ACAA1: variants seen among roughly 807,000 people sequenced by gnomAD.
ACAA1 encodes acetyl-CoA acyltransferase 1, also known as 3-ketoacyl-CoA thiolase, peroxisomal.
In ACAA1, 44 loss-of-function variants were observed where a neutral mutation model predicts 48.8. The observed-to-expected ratio is 0.90, with a 90% confidence interval of 0.71 to 1.16. The LOEUF is 1.16. ACAA1 is among the 50% of genes most tolerant of loss of function. The probability of loss-of-function intolerance (pLI) is 0.00; values close to 1 mark genes in which losing one functional copy is unlikely to be tolerated. For missense variants in ACAA1, 512 were observed against 562.3 expected, an observed-to-expected ratio of 0.91 and a Z score of 0.90; for synonymous variants, 233 against 226.5, an observed-to-expected ratio of 1.03 and a Z score of -0.26.
chr3:38,125,949 A>G lies in ACAA1; in HGVS notation c.998-68T>C. 5.6e-6 allele frequency: 9 copies of G among 1,598,398 alleles called. No individual in the cohort carries two copies. The South Asian group carries it at 8.8e-5, about 16-fold the overall frequency. ...GCCTCCCCTGGGGCCCACCCCATCC[A>G]TGGGCCTACAGGCTGCCTGGTGTGT... On this transcript the variant is annotated intron_variant, in intron 9 of 11. Transcript: ENST00000333167.
chr3:38,136,548 A>C (rs749451057), intron 2 of ACAA1, 44 bp downstream of exon 2: 13 of 1,608,070 alleles, frequency 8.1e-6, no homozygotes, highest in Non-Finnish European at 1.1e-5. Context: ...GGACGAACGG[A>C]AGAACGGGGA....
intron 11 of ACAA1, chr3:38,125,269 T>G: frequency 3.7e-6 from 1 of 271,564 alleles, no homozygotes. Context: ...ATTTTTGGGA[T>G]TTTAGACAGT....
Position 38,122,953 on chromosome 3 carries a change from G to T in ACAA1, c.*94C>A. The T allele has an allele frequency of 1.5e-6, 2 of 1,298,312 alleles. No individual in the cohort carries two copies. The highest frequency in any genetic ancestry group is 2.2e-6 in the Non-Finnish European group (2 of 904,002). 80.4% of individuals were successfully genotyped at this position (1,298,312 alleles called of 1,614,324 possible). A position where few individuals can be genotyped will look rare whatever the true frequency, so the allele number is the denominator to read the frequency against. On this transcript the variant is annotated 3_prime_UTR_variant, in exon 12 of 12. Coordinates refer to ENST00000333167, the MANE Select transcript of ACAA1 (RefSeq NM_001607.4). ...GTCCACTGCCACCACCACCAGTGCT[G>T]AGTTTTCCCATGTGGTTTTGCTTTT...
At chr3:38,134,377 AG>A (rs886582803) in intron 2 of ACAA1, 4 of 424,640 alleles carry the variant, frequency 9.4e-6, no homozygotes, top group African/African-American at 6.0e-5. Flanking sequence ...GAGGTGGAAC[AG>A]TGATTGCCGA....
At position 38,126,464 on chromosome 3, in the gene ACAA1, T is replaced by G; in HGVS notation, c.817+46A>C. On this transcript the variant is annotated intron_variant, in intron 8 of 11. Coordinates refer to ENST00000333167, the MANE Select transcript of ACAA1 (RefSeq NM_001607.4). The surrounding 1 kb of genome is among the most constrained non-coding windows in gnomAD (Gnocchi z 4.7). ...GGTTCCCAGAGTACAGCACCCAGCA[T>G]GGCCATGGCCTGCTTTCTCATACCC... 1 of 1,613,846 alleles carries G rather than the reference T, an allele frequency of 6.2e-7. No individual in the cohort carries two copies. Among genetic ancestry groups the G allele is most frequent in the African/African-American group, 1.3e-5 (1 of 75,032 alleles).
rs202069337 is a variant in ACAA1, at chr3:38,125,676, G to A, written c.1088C>T (p.Pro363Leu). The change falls in exon 11 of 12, where the codon CCT becomes CTT. Residue 363 changes from proline (P) to leucine (L), a missense_variant. Physicochemically the swap from Pro to Leu is moderately conservative, Grantham distance 98. Coordinates refer to ENST00000333167, the MANE Select transcript of ACAA1 (RefSeq NM_001607.4). ...AYCVEKLRLPPEKVNPLGGAV... is the reference protein window; with the variant it reads ...AYCVEKLRLPLEKVNPLGGAV... ...ACCCCCCAGGGGGTTCACCTTCTCA[G>A]GGGGGAGTCGTAGCTTCTCCACACA... 2.5e-6 allele frequency: 4 copies of A among 1,599,446 alleles called. No individual in the cohort carries two copies. Among genetic ancestry groups the A allele is most frequent in the Non-Finnish European group, 3.4e-6 (4 of 1,171,490 alleles).
chr3:38,125,501 TG>T, intron 11 of ACAA1, 63 bp downstream of exon 11: 1 of 1,504,880 alleles, frequency 6.6e-7, no homozygotes, highest in African/African-American at 1.4e-5. Flanking sequence ...CTCTATCCCC[TG>T]CCCTTCAGGT....
In ACAA1 at chr3:38,126,917, G is replaced by C. The variant is rs151269509; in HGVS notation, c.627-217C>G. Reference sequence around the variant, plus strand: ...ATCGTGGCCAATCCCAACCTCAAAGGGGGGAAAGGGTGTTTGGAAGTGGTG... The same window carrying C: ...ATCGTGGCCAATCCCAACCTCAAAGCGGGGAAAGGGTGTTTGGAAGTGGTG... On this transcript the variant is annotated intron_variant, in intron 7 of 11. Coordinates refer to ENST00000333167, the MANE Select transcript of ACAA1 (RefSeq NM_001607.4). The surrounding 1 kb of genome is among the most constrained non-coding windows in gnomAD (Gnocchi z 4.7). Among the ~76,000 whole-genome samples the C allele has an allele frequency of 1.7e-4, 26 of 152,290 alleles. No individual in the cohort carries two copies. The South Asian group carries it at 3.5e-3, about 21-fold the overall frequency.
At chr3:38,131,681 C>A in intron 4 of ACAA1, 43 bp from the exon 5 acceptor site, 5 of 1,608,854 alleles carry the variant, frequency 3.1e-6, no homozygotes, top group Non-Finnish European at 4.3e-6. Flanking sequence ...CCAGAGTCCA[C>A]CTGTTCTGGA....
chr3:38,133,864 T>C, intron 3 of ACAA1, 88 bp downstream of exon 3: 1 of 1,418,824 alleles, frequency 7.0e-7, no homozygotes, highest in Non-Finnish European at 9.9e-7. Context: ...AACCTTATCC[T>C]CCCCAACCTG....
intron 2 of ACAA1, among the ~76,000 whole-genome samples, chr3:38,135,465 T>C (rs199413): frequency 6.6e-6 from 1 of 151,966 alleles, no homozygotes; most frequent in East Asian, 1.9e-4. Flanking sequence ...TATATACCAT[T>C]ACTATAAGGT....
Position 38,128,568 on chromosome 3 carries a change from T to G in ACAA1, c.546-702A>C, listed in dbSNP as rs371532087. Among the ~76,000 whole-genome samples the G allele has an allele frequency of 1.6e-4, 25 of 152,318 alleles. 1 individual carries two copies. The East Asian group carries it at 4.0e-3, about 25-fold the overall frequency. On this transcript the variant is annotated intron_variant, in intron 6 of 11. Coordinates refer to ENST00000333167, the MANE Select transcript of ACAA1 (RefSeq NM_001607.4). ...GCCCAGAGGCTCAGAGAAGCTAAAG[T>G]GTTCCATACAAATGCCACATACTTT...
In ACAA1 at chr3:38,136,648, G is replaced by C; in HGVS notation, c.209C>G (p.Thr70Ser). 6.2e-7 allele frequency: 1 copy of C among 1,613,826 alleles called. No homozygotes were observed. Among genetic ancestry groups the C allele is most frequent in the Non-Finnish European group, 8.5e-7 (1 of 1,179,888 alleles). ...TPDELLSAVM[T>S]AVLKDVNLRP... ...CAGATTCACGTCCTTGAGAACCGCG[G>C]TCATGACTGCCGAGAGAAGCTCGTC... The change falls in exon 2 of 12, where the codon ACC (threonine) becomes AGC (serine). Residue 70 changes from threonine to serine, a missense_variant. Thr to Ser is a moderately conservative substitution (Grantham distance 58). Coordinates refer to ENST00000333167, the MANE Select transcript of ACAA1 (RefSeq NM_001607.4).
At position 38,126,186 on chromosome 3, in the gene ACAA1, T is replaced by G; in HGVS notation, c.973A>C (p.Ile325Leu). The G allele has an allele frequency of 6.2e-7, 1 of 1,614,004 alleles. No individual in the cohort carries two copies. The change falls in exon 9 of 12, where the codon ATC becomes CTC. Residue 325 changes from isoleucine to leucine, a missense_variant. Physicochemically the swap from Ile to Leu is conservative, Grantham distance 5. Coordinates refer to ENST00000333167, the MANE Select transcript of ACAA1 (RefSeq NM_001607.4). This position sits in a 1 kb window ranked among gnomAD's most constrained non-coding sequence, Gnocchi z 4.7. ...DIMGIGPAYA[I>L]PVALQKAGLT... is the part of the protein sequence containing the mutation. ...CCTGCTTTTTGCAAAGCTACTGGGA[T>G]GGCATAGGCAGGTCCAATGCCCATG...
rs1259141367 is a variant in ACAA1 at position 38,126,786 on chromosome 3, C to A, written c.627-86G>T. On this transcript the variant is annotated intron_variant, in intron 7 of 11. Transcript: ENST00000333167. The surrounding 1 kb of genome is among the most constrained non-coding windows in gnomAD (Gnocchi z 4.7). ...CAACCCCTATCCATTTGGGTAGACA[C>A]AAGCTCAGGCTGCTAAATTCAGGGA... is the stretch of plus-strand genomic sequence containing the variant. The A allele has an allele frequency of 2.0e-6, 3 of 1,512,418 alleles. No individual in the cohort carries two copies. The highest frequency in any genetic ancestry group is 2.3e-5 in the East Asian group (1 of 43,774). The allele number at this position is 1,512,418 out of a possible 1,614,324, so 93.7% of individuals were successfully genotyped here. A position where few individuals can be genotyped will look rare whatever the true frequency, so the allele number is the denominator to read the frequency against.
At chr3:38,131,875 G>T in intron 4 of ACAA1, 51 bp downstream of exon 4, 1 of 1,545,248 alleles carries the variant, frequency 6.5e-7, no homozygotes, top group Non-Finnish European at 8.9e-7. Flanking sequence ...CGACTTTGCT[G>T]ACCCAAACCC....
rs532784083 is a variant in ACAA1 at position 38,133,837 on chromosome 3, G to T, written c.323+115C>A. ...GAGCAGGGAGCCAAGGACTCTCGTT[G>T]CCTCATTCTGGTGTCCAACCTTATC... On this transcript the variant is annotated intron_variant, in intron 3 of 11. Transcript: ENST00000333167. 7.7e-6 allele frequency: 8 copies of T among 1,038,192 alleles called. No homozygotes were observed. The South Asian group carries it at 9.3e-5, about 12-fold the overall frequency. 64.3% of individuals were successfully genotyped at this position (1,038,192 alleles called of 1,614,324 possible). A position where few individuals can be genotyped will look rare whatever the true frequency, so the allele number is the denominator to read the frequency against.
At chr3:38,132,112 A>T in intron 3 of ACAA1, 107 bp from the exon 4 acceptor site, 1 of 987,348 alleles carries the variant, frequency 1.0e-6, no homozygotes, top group Non-Finnish European at 1.5e-6. Flanking sequence ...TGTAAAGGGC[A>T]GGGGAACAAA....
Position 38,122,962 on chromosome 3 carries a change from C to T in ACAA1, c.*85G>A, listed in dbSNP as rs965427907. The T allele has an allele frequency of 4.4e-5, 61 of 1,397,530 alleles. No individual in the cohort carries two copies. The highest frequency in any genetic ancestry group is 3.2e-5 in the Non-Finnish European group (32 of 991,156). The allele number at this position is 1,397,530 out of a possible 1,614,324, so 86.6% of individuals were successfully genotyped here. On this transcript the variant is annotated 3_prime_UTR_variant, in exon 12 of 12. Transcript: ENST00000333167. ...CACCACCACCAGTGCTGAGTTTTCCCATGTGGTTTTGCTTTTGTGGTGTTA... is the reference window on the plus strand; with the variant it reads ...CACCACCACCAGTGCTGAGTTTTCCTATGTGGTTTTGCTTTTGTGGTGTTA...
Sources: allele counts gnomAD v4.1 joint callset (sites outside exome capture counted in the v4.1 genomes callset), GRCh38; gene constraint gnomAD v4.1.1; non-coding constraint Gnocchi (gnomAD v3.1); transcripts MANE v1.5; gene names NCBI Gene and HGNC (gene_info 2026-07-23, HGNC 2026-07-21).